Variants in KSR2 observed in about 807,000 individuals in gnomAD.
The protein encoded by KSR2 is kinase suppressor of ras 2.
KSR2 carries 25 observed loss-of-function variants against 107.8 expected under a neutral mutation model. The observed-to-expected ratio is 0.23, with a 90% CI of 0.17 to 0.32. The LOEUF (loss-of-function observed/expected upper bound fraction) is 0.32, where lower values mean the gene tolerates loss of function less well. KSR2 is among the 10% of genes least tolerant of loss of function. KSR2 has a pLI of 1.00. For missense variants in KSR2, 887 were observed against 1,268.9 expected (o/e 0.70, Z 4.57); for synonymous variants, 480 against 507.0 (o/e 0.95, Z 0.71).
intron 3 of KSR2, among the ~76,000 whole-genome samples, chr12:117,844,071 T>C (rs1892607257): frequency 6.6e-6 from 1 of 151,966 alleles, no homozygotes; most frequent in East Asian, 1.9e-4. Flanking sequence ...AGATCATCAC[T>C]AGCAGAAGGG....
chr12:117,870,754 G>T (rs549294192), intron 1 of KSR2, among the ~76,000 whole-genome samples: 78 of 152,176 alleles, frequency 5.1e-4, no homozygotes, highest in Non-Finnish European at 8.8e-4. Context: ...TAGAACCAAG[G>T]GGTACTCCAA....
intron 5 of KSR2, among the ~76,000 whole-genome samples, chr12:117,657,430 A>G (rs551522462): frequency 6.6e-6 from 1 of 152,198 alleles, no homozygotes; most frequent in Non-Finnish European, 1.5e-5. Flanking sequence ...TTTAAAAACA[A>G]AACAAAACAC....
chr12:117,918,193 G>A (rs1288602867), intron 1 of KSR2, among the ~76,000 whole-genome samples: 1 of 152,228 alleles, frequency 6.6e-6, no homozygotes. Flanking sequence ...AGGGGACACA[G>A]CTTCATTCAT....
At chr12:117,747,442 G>A (rs1216192299) in intron 4 of KSR2, among the ~76,000 whole-genome samples, 1 of 151,542 alleles carries the variant, frequency 6.6e-6, no homozygotes, top group Non-Finnish European at 1.5e-5. Flanking sequence ...GGGGGGTGGG[G>A]GACAGGGGGA....
At chr12:117,664,719 C>A (rs1034861935) in intron 5 of KSR2, among the ~76,000 whole-genome samples, 2 of 152,086 alleles carry the variant, frequency 1.3e-5, no homozygotes, top group African/African-American at 4.8e-5. Context: ...AAGGAACTTG[C>A]CGCATTGAAG....
At chr12:117,637,373 A>C (rs2136391802) in intron 5 of KSR2, among the ~76,000 whole-genome samples, 1 of 152,254 alleles carries the variant, frequency 6.6e-6, no homozygotes, top group South Asian at 2.1e-4. Flanking sequence ...CCAGCCTGTA[A>C]TGGTAGGTGC....
chr12:117,539,802 G>T lies in KSR2; in HGVS notation c.1604C>A (p.Pro535His), dbSNP rs959501922. 11 of 1,608,332 alleles carry T rather than the reference G, an allele frequency of 6.8e-6. No homozygotes were observed. Among genetic ancestry groups the T allele is most frequent in the South Asian group, 2.2e-5 (2 of 90,638 alleles). The change falls in exon 10 of 20, where the codon CCC (proline) becomes CAC (histidine). Residue 535 changes from proline (P) to histidine (H), a missense_variant. This residue lies in a region of KSR2 where 50 missense variants were observed against 43.4 expected (regional missense o/e 1.15). Coordinates refer to ENST00000339824, the MANE Select transcript of KSR2 (RefSeq NM_173598.6). Reference sequence around the variant, plus strand: ...AGGCGGCGTGGCACTAGGAGGGAGGGGGGGTGCTGGCGAGGAGGGCGTGGA... The same window carrying T: ...AGGCGGCGTGGCACTAGGAGGGAGGTGGGGTGCTGGCGAGGAGGGCGTGGA... ...TSSTPSSPAP[P>H]LPPSATPPSP...
At chr12:117,773,000 A>G (rs965720139) in intron 3 of KSR2, among the ~76,000 whole-genome samples, 4 of 152,178 alleles carry the variant, frequency 2.6e-5, no homozygotes, top group African/African-American at 9.7e-5. Context: ...AAAAATGCAA[A>G]AAGTCTCATT....
At chr12:117,934,230 G>C (rs1895775317) in intron 1 of KSR2, among the ~76,000 whole-genome samples, 1 of 152,080 alleles carries the variant, frequency 6.6e-6, no homozygotes, top group African/African-American at 2.4e-5. Flanking sequence ...ATCCCTGCTT[G>C]GTCCACAGGG....
At chr12:117,599,825 C>G (rs1362595202) in intron 5 of KSR2, among the ~76,000 whole-genome samples, 2 of 152,164 alleles carry the variant, frequency 1.3e-5, no homozygotes, top group African/African-American at 2.4e-5. Context: ...GTACTGCCAA[C>G]TATTTATTAA....
intron 3 of KSR2, among the ~76,000 whole-genome samples, chr12:117,812,448 G>A (rs1375528532): frequency 6.6e-6 from 1 of 152,106 alleles, no homozygotes; most frequent in Non-Finnish European, 1.5e-5. Flanking sequence ...TTCTATTAGA[G>A]AGTTGATCTA....
At chr12:117,530,604 G>C (rs890438166) in intron 12 of KSR2, among the ~76,000 whole-genome samples, 1 of 152,096 alleles carries the variant, frequency 6.6e-6, no homozygotes, top group African/African-American at 2.4e-5. Context: ...CTATCACCCG[G>C]GGAAAGTTTT....
rs71099068 is a variant in KSR2, at chr12:117,656,941, G to GATATATAT, written c.1171+10525_1171+10532dup. ...GTGTGTGTATACATATATATAATAG[G>GATATATAT]ATATATATATATATATAATAGGATA... On this transcript the variant is annotated intron_variant, in intron 5 of 19. Transcript: ENST00000339824. Among the ~76,000 whole-genome samples, 477 of 102,282 alleles carry GATATATAT rather than the reference G, an allele frequency of 4.7e-3. 17 individuals are homozygous for GATATATAT. The highest frequency in any genetic ancestry group is 0.021 in the African/African-American group (461 of 21,960). The allele number at this position is 102,282 out of a possible 152,430, so 67.1% of individuals were successfully genotyped here. A position where few individuals can be genotyped will look rare whatever the true frequency, so the allele number is the denominator to read the frequency against.
intron 4 of KSR2, among the ~76,000 whole-genome samples, chr12:117,731,888 C>T (rs534304419): frequency 9.8e-5 from 14 of 142,556 alleles, no homozygotes; most frequent in African/African-American, 3.2e-4. Flanking sequence ...CCCAGGGACA[C>T]AAACACTGCG....
intron 9 of KSR2, among the ~76,000 whole-genome samples, chr12:117,540,349 T>C (rs565198361): frequency 6.6e-6 from 1 of 152,164 alleles, no homozygotes; most frequent in African/African-American, 2.4e-5. Context: ...CAGCACTGCC[T>C]CTCCTCACCC....
Position 117,907,030 on chromosome 12 carries a change from AAACT to A in KSR2, c.181-46603_181-46600del, listed in dbSNP as rs1165182324. On this transcript the variant is annotated intron_variant, in intron 1 of 19. Transcript: ENST00000339824. The surrounding 1 kb of genome is among the most constrained non-coding windows in gnomAD (Gnocchi z 4.3). ...GCGAGACCCTGTCCAAAAAGATCCA[AAACT>A]CTGTATCTCTAACAAGTGCTTGTGT... 1.3e-5 allele frequency among the ~76,000 whole-genome samples: 2 copies of A among 152,132 alleles called. No individual in the cohort carries two copies. The highest frequency in any genetic ancestry group is 4.8e-5 in the African/African-American group (2 of 41,428).
At chr12:117,849,121 G>A (rs531180037) in intron 3 of KSR2, among the ~76,000 whole-genome samples, 2 of 152,290 alleles carry the variant, frequency 1.3e-5, no homozygotes, top group South Asian at 2.1e-4. Context: ...GAAGGAGAAA[G>A]GAGAAAGAGA....
chr12:117,640,242 C>CTT (rs138058259), intron 5 of KSR2, among the ~76,000 whole-genome samples: 6 of 150,694 alleles, frequency 4.0e-5, no homozygotes, highest in Admixed American at 6.6e-5. Context: ...CTTTTTTTTT[C>CTT]TTTTTTTTGA....
chr12:117,666,051 G>C (rs1884646168), intron 5 of KSR2, among the ~76,000 whole-genome samples: 1 of 152,186 alleles, frequency 6.6e-6, no homozygotes, highest in Non-Finnish European at 1.5e-5. Context: ...TTGGCCTTCT[G>C]GTATGGACCT....
Sources: allele counts gnomAD v4.1 joint callset (sites outside exome capture counted in the v4.1 genomes callset), GRCh38; gene constraint gnomAD v4.1.1; regional missense constraint gnomAD v4.1.1; non-coding constraint Gnocchi (gnomAD v3.1); transcripts MANE v1.5; gene names NCBI Gene and HGNC (gene_info 2026-07-23, HGNC 2026-07-21).